Variants in FAM13C observed in about 807,000 individuals in gnomAD.
FAM13C encodes family with sequence similarity 13 member C, also known as protein FAM13C.
In FAM13C, 37 loss-of-function variants were observed where a neutral mutation model predicts 73.2. That is an observed-to-expected ratio of 0.51 (90% CI 0.39 to 0.67). The LOEUF is 0.67. Among genes scored for constraint, FAM13C ranks in the 30% least tolerant of loss-of-function variants. The probability of loss-of-function intolerance (pLI) is 0.00; values close to 1 mark genes in which losing one functional copy is unlikely to be tolerated. For synonymous variants in FAM13C, 246 were observed against 260.9 expected, an observed-to-expected ratio of 0.94 and a Z score of 0.55; for missense variants, 589 against 715.6, an observed-to-expected ratio of 0.82 and a Z score of 2.02.
chr10:59,257,134 T>G (rs1322260169), intron 10 of FAM13C, among the ~76,000 whole-genome samples: 1 of 152,212 alleles, frequency 6.6e-6, no homozygotes, highest in Non-Finnish European at 1.5e-5. Flanking sequence ...TCTCCATTTT[T>G]ATAGTATCAG....
intron 4 of FAM13C, among the ~76,000 whole-genome samples, chr10:59,314,079 T>C (rs927530684): frequency 1.3e-5 from 2 of 152,046 alleles, no homozygotes; most frequent in Non-Finnish European, 2.9e-5. Context: ...GAGATCAACA[T>C]GGGCTATTGA....
intron 4 of FAM13C, among the ~76,000 whole-genome samples, chr10:59,314,848 A>C (rs1849341454): frequency 6.6e-6 from 1 of 152,202 alleles, no homozygotes; most frequent in South Asian, 2.1e-4. Flanking sequence ...CAAATGCTGA[A>C]GAAAAGAGGC....
chr10:59,355,850 C>T (rs772608762), intron 2 of FAM13C, 37 bp downstream of exon 2: 2 of 1,603,244 alleles, frequency 1.2e-6, no homozygotes, highest in Non-Finnish European at 8.5e-7. Context: ...TGGCTTCTGT[C>T]TCTCACAAAT....
chr10:59,259,254 C>T (rs548816186), intron 10 of FAM13C, among the ~76,000 whole-genome samples: 1 of 152,112 alleles, frequency 6.6e-6, no homozygotes, highest in Non-Finnish European at 1.5e-5. Context: ...TGACTAAATA[C>T]CAAATGCGGA....
upstream of FAM13C, chr10:59,362,652 G>A (rs987096149): frequency 2.3e-6 from 3 of 1,328,768 alleles, no homozygotes; most frequent in Middle Eastern, 2.7e-4. Flanking sequence ...CACAAAGCCC[G>A]GCAGCCCGCG....
At chr10:59,319,212 C>T (rs886401932) in intron 4 of FAM13C, among the ~76,000 whole-genome samples, 9 of 151,910 alleles carry the variant, frequency 5.9e-5, no homozygotes, top group African/African-American at 1.9e-4. Flanking sequence ...GCAACAAAGC[C>T]CACAGCTTTC....
intron 8 of FAM13C, among the ~76,000 whole-genome samples, chr10:59,268,030 C>T (rs1843262321): frequency 6.6e-6 from 1 of 152,090 alleles, no homozygotes; most frequent in South Asian, 2.1e-4. Context: ...GAAAGGAAGG[C>T]TTAGGGTTGG....
rs1039474241 is a variant in FAM13C, at chr10:59,360,940, C to A, written c.62+1459G>T. 26 of 1,016,116 alleles carry A rather than the reference C, an allele frequency of 2.6e-5. No homozygotes were observed. The South Asian group carries it at 3.4e-4, about 13-fold the overall frequency. 62.9% of individuals were successfully genotyped at this position (1,016,116 alleles called of 1,614,324 possible). ...TGAACCTGCCGTGCCTGTGACTGAC[C>A]GAGGATTTGGCCACACCAGGCTCCT... On this transcript the variant is annotated intron_variant, in intron 1 of 13. Coordinates refer to ENST00000618804, the MANE Select transcript of FAM13C (RefSeq NM_198215.4).
intron 7 of FAM13C, among the ~76,000 whole-genome samples, chr10:59,269,450 ATT>A (rs940824086): frequency 8.2e-4 from 116 of 141,950 alleles, no homozygotes; most frequent in African/African-American, 2.8e-3. Flanking sequence ...ACACACACAC[ATT>A]ATTTGGATGA....
At position 59,246,906 on chromosome 10, in the gene FAM13C, A is replaced by T. The variant is rs1462541810; in HGVS notation, c.*708T>A. 8 of 310,990 alleles carry T rather than the reference A, an allele frequency of 2.6e-5. No homozygotes were observed. In the South Asian group the frequency reaches 1.3e-3, roughly 50 times the overall value. 19.3% of individuals were successfully genotyped at this position (310,990 alleles called of 1,614,324 possible). ...TTTTAAATTTTTAATACAATATTTTATTTTAATATAAACATCTGTCAGTTA... is the reference window on the plus strand; with the variant it reads ...TTTTAAATTTTTAATACAATATTTTTTTTTAATATAAACATCTGTCAGTTA... On this transcript the variant is annotated 3_prime_UTR_variant, in exon 14 of 14. Transcript: ENST00000618804.
intron 3 of FAM13C, among the ~76,000 whole-genome samples, chr10:59,337,667 C>CTTTTTTTTTTTTTTTTTTTTTTT (rs3078327): frequency 5.6e-5 from 4 of 71,034 alleles, no homozygotes; most frequent in Admixed American, 2.1e-4. Context: ...TTTTCTTTTT[C>CTTTTTTTTTTTTTTTTTTTTTTT]TTTTTTTTTT....
At chr10:59,298,205 T>G (rs1847145695) in intron 5 of FAM13C, among the ~76,000 whole-genome samples, 1 of 151,288 alleles carries the variant, frequency 6.6e-6, no homozygotes, top group East Asian at 2.0e-4. Flanking sequence ...CACAAGAGAG[T>G]TTCATGGCCA....
rs568003856 is a variant in FAM13C at position 59,320,472 on chromosome 10, G to A, written c.443+3516C>T. Among the ~76,000 whole-genome samples the A allele has an allele frequency of 2.6e-5, 4 of 152,322 alleles. No individual in the cohort carries two copies. The East Asian group carries it at 7.7e-4, about 29-fold the overall frequency. ...TTGGCTCTGTTAAGGGAAATCAGAA[G>A]AGCAAGCCAGCTTGGAAGTAGAAAG... is the stretch of plus-strand genomic sequence containing the variant. On this transcript the variant is annotated intron_variant, in intron 4 of 13. Transcript: ENST00000618804.
chr10:59,259,975 A>G (rs1842336634), intron 10 of FAM13C, among the ~76,000 whole-genome samples: 2 of 152,088 alleles, frequency 1.3e-5, no homozygotes, highest in Admixed American at 1.3e-4. Context: ...TAAATGTAAT[A>G]TATCCCAAAC....
chr10:59,271,514 A>C (rs910956393), intron 6 of FAM13C, among the ~76,000 whole-genome samples: 1 of 152,208 alleles, frequency 6.6e-6, no homozygotes, highest in Non-Finnish European at 1.5e-5. Context: ...TGTGATGACA[A>C]AAGAGTTGGA....
At chr10:59,314,393 C>T (rs1849285260) in intron 4 of FAM13C, among the ~76,000 whole-genome samples, 1 of 152,158 alleles carries the variant, frequency 6.6e-6, no homozygotes, top group African/African-American at 2.4e-5. Context: ...TTCCATCACA[C>T]ATCTGAAGAA....
chr10:59,343,230 T>C (rs1477622610), intron 3 of FAM13C, among the ~76,000 whole-genome samples: 1 of 152,234 alleles, frequency 6.6e-6, no homozygotes, highest in Non-Finnish European at 1.5e-5. Flanking sequence ...CCTATCATAA[T>C]GAAGCAGGTG....
At chr10:59,313,075 T>A (rs1199146694) in intron 4 of FAM13C, among the ~76,000 whole-genome samples, 2 of 152,166 alleles carry the variant, frequency 1.3e-5, no homozygotes, top group Admixed American at 6.5e-5. Context: ...ACTAGGCCAG[T>A]TAGTTCCTTT....
chr10:59,252,422 G>A (rs1841482435), intron 12 of FAM13C, among the ~76,000 whole-genome samples: 1 of 152,028 alleles, frequency 6.6e-6, no homozygotes, highest in Non-Finnish European at 1.5e-5. Flanking sequence ...AGACACTTCT[G>A]TCAACTTAAA....
Sources: allele counts gnomAD v4.1 joint callset (sites outside exome capture counted in the v4.1 genomes callset), GRCh38; gene constraint gnomAD v4.1.1; transcripts MANE v1.5; gene names NCBI Gene and HGNC (gene_info 2026-07-23, HGNC 2026-07-21).